CHSY3: variants seen among roughly 807,000 people sequenced by gnomAD.
CHSY3 encodes N-acetylgalactosaminyl-proteoglycan 3-beta-glucuronosyltransferase 3.
Under a neutral mutation model 67.2 loss-of-function variants are expected in CHSY3, and 35 were observed. That is an observed-to-expected ratio of 0.52 (90% confidence interval 0.40 to 0.69). The LOEUF (loss-of-function observed/expected upper bound fraction) is 0.69. Ranked by LOEUF, CHSY3 falls within the 30% of genes least tolerant of loss-of-function variation. The pLI is 0.00. For synonymous variants in CHSY3, 474 were observed against 434.7 expected (o/e 1.09, Z -1.12); for missense variants, 1,069 against 1,138.5 (o/e 0.94, Z 0.88).
intron 2 of CHSY3, among the ~76,000 whole-genome samples, chr5:130,089,082 A>T (rs868623613): frequency 1.3e-3 from 203 of 151,972 alleles, no homozygotes; most frequent in African/African-American, 3.1e-3. Context: ...GGGACATGGA[A>T]GAAATTGGAA....
intron 2 of CHSY3, among the ~76,000 whole-genome samples, chr5:130,048,630 A>G (rs1765227270): frequency 1.3e-5 from 2 of 151,250 alleles, no homozygotes; most frequent in Admixed American, 1.3e-4. Flanking sequence ...TGTGCTAATT[A>G]CTCTGCTCTC....
chr5:130,046,130 G>T (rs1036861343), intron 2 of CHSY3, among the ~76,000 whole-genome samples: 1 of 152,008 alleles, frequency 6.6e-6, no homozygotes, highest in Non-Finnish European at 1.5e-5. Flanking sequence ...GTACCGGCTC[G>T]GGGAGGCTAC....
At chr5:130,021,665 AT>A (rs1333388844) in intron 2 of CHSY3, among the ~76,000 whole-genome samples, 1 of 152,112 alleles carries the variant, frequency 6.6e-6, no homozygotes, top group Admixed American at 6.5e-5. Flanking sequence ...ATATGTTTTA[AT>A]GCTTTTTCTA....
At chr5:129,934,979 G>T (rs1245542286) in intron 2 of CHSY3, among the ~76,000 whole-genome samples, 1 of 152,098 alleles carries the variant, frequency 6.6e-6, no homozygotes. Context: ...ATCAAAACGA[G>T]AGCTAGGTTA....
At chr5:129,918,331 A>G (rs1363885428) in intron 2 of CHSY3, among the ~76,000 whole-genome samples, 1 of 152,234 alleles carries the variant, frequency 6.6e-6, no homozygotes, top group Admixed American at 6.5e-5. Flanking sequence ...TGGAATGTCT[A>G]CATTGGCTCG....
chr5:130,098,401 G>A (rs1217375147), intron 2 of CHSY3, among the ~76,000 whole-genome samples: 1 of 152,120 alleles, frequency 6.6e-6, no homozygotes, highest in Non-Finnish European at 1.5e-5. Flanking sequence ...GGTGTTTGTG[G>A]GAGCTGGTGC....
At chr5:130,008,959 G>A (rs986186304) in intron 2 of CHSY3, among the ~76,000 whole-genome samples, 2 of 152,014 alleles carry the variant, frequency 1.3e-5, no homozygotes, top group African/African-American at 2.4e-5. Context: ...AGAAAATATG[G>A]GATTATGTAA....
intron 2 of CHSY3, among the ~76,000 whole-genome samples, chr5:129,960,433 A>G (rs893700771): frequency 1.3e-5 from 2 of 152,050 alleles, no homozygotes; most frequent in African/African-American, 2.4e-5. Flanking sequence ...TCAAGGATTA[A>G]TGTGTTTTCT....
intron 2 of CHSY3, among the ~76,000 whole-genome samples, chr5:129,911,575 C>T (rs890187659): frequency 2.0e-5 from 3 of 152,002 alleles, no homozygotes; most frequent in Admixed American, 6.5e-5. Context: ...ATAGATATCA[C>T]GTACTATATT....
At chr5:130,103,037 A>ATAGGACTACTTAGTCTCCTTGTGC (rs1455937815) in intron 2 of CHSY3, among the ~76,000 whole-genome samples, 1 of 152,086 alleles carries the variant, frequency 6.6e-6, no homozygotes, top group African/African-American at 2.4e-5. Context: ...AGAAAAAAAA[A>ATAGGACTACTTAGTCTCCTTGTGC]TAGGACTACT....
At chr5:130,119,840 C>A (rs1441757646) in intron 2 of CHSY3, among the ~76,000 whole-genome samples, 1 of 151,816 alleles carries the variant, frequency 6.6e-6, no homozygotes, top group Non-Finnish European at 1.5e-5. Context: ...TTAGTCTACG[C>A]AAAAAGGCAA....
intron 2 of CHSY3, 108 bp from the exon 3 acceptor site, chr5:130,184,121 A>T (rs2149738617): frequency 9.4e-7 from 1 of 1,069,178 alleles, no homozygotes; most frequent in South Asian, 4.2e-5. Flanking sequence ...GAAATACCAT[A>T]CCAAAAATGT....
chr5:130,119,472 A>C (rs1767933983), intron 2 of CHSY3, among the ~76,000 whole-genome samples: 1 of 152,100 alleles, frequency 6.6e-6, no homozygotes, highest in African/African-American at 2.4e-5. Flanking sequence ...TGTGCTAAAC[A>C]GCTTTGAGGG....
At chr5:130,038,460 ACATGTGATC>A (rs1764920399) in intron 2 of CHSY3, among the ~76,000 whole-genome samples, 1 of 152,056 alleles carries the variant, frequency 6.6e-6, no homozygotes, top group Non-Finnish European at 1.5e-5. Flanking sequence ...ACTTTCTCTT[ACATGTGATC>A]CATGTGATCA....
chr5:130,115,235 TCCC>T (rs1467894730), intron 2 of CHSY3, among the ~76,000 whole-genome samples: 4 of 151,926 alleles, frequency 2.6e-5, no homozygotes, highest in African/African-American at 7.3e-5. Flanking sequence ...AGTTCTTTTT[TCCC>T]CCCATTTTTT....
intron 2 of CHSY3, among the ~76,000 whole-genome samples, chr5:129,981,567 G>A (rs1029978526): frequency 6.6e-6 from 1 of 151,846 alleles, no homozygotes; most frequent in South Asian, 2.1e-4. Context: ...CACCCAGGCC[G>A]GAGTGCAGAG....
At chr5:129,920,114 C>G (rs1327051220) in intron 2 of CHSY3, among the ~76,000 whole-genome samples, 1 of 152,172 alleles carries the variant, frequency 6.6e-6, no homozygotes, top group East Asian at 1.9e-4. Flanking sequence ...TTTACCCCAC[C>G]TGAAGTCCCT....
At chr5:130,125,658 C>G (rs1289116364) in intron 2 of CHSY3, among the ~76,000 whole-genome samples, 1 of 151,996 alleles carries the variant, frequency 6.6e-6, no homozygotes, top group East Asian at 1.9e-4. Context: ...TCTCTTGATC[C>G]CTATTCTGAA....
intron 2 of CHSY3, chr5:130,052,048 G>A (rs1420795999): frequency 6.6e-6 from 1 of 151,942 alleles, no homozygotes; most frequent in Admixed American, 6.6e-5. Context: ...TGTTTCTCTG[G>A]GTGTATCTGC....
Sources: gnomAD v4.1 joint callset for allele counts (sites outside exome capture counted in the v4.1 genomes callset) on GRCh38, gnomAD v4.1.1 for gene constraint, MANE v1.5 for transcripts, NCBI Gene and HGNC (gene_info 2026-07-23, HGNC 2026-07-21) for gene names.